The following PTGFR variants were observed in gnomAD, a reference collection of about 807,000 sequenced individuals.
The protein encoded by PTGFR is prostaglandin F receptor.
PTGFR carries 15 observed loss-of-function variants against 26.2 expected under a neutral mutation model. The ratio of observed to expected loss-of-function variants is 0.57; its 90% CI spans 0.38 to 0.88. The LOEUF (loss-of-function observed/expected upper bound fraction) is 0.88, where lower values mean the gene tolerates loss of function less well. Among genes scored for constraint, PTGFR ranks in the 40% least tolerant of loss-of-function variants. The probability of loss-of-function intolerance (pLI) is 0.00; values close to 1 mark genes in which losing one functional copy is unlikely to be tolerated. For missense variants in PTGFR, 369 were observed against 427.2 expected (o/e 0.86, Z 1.20); for synonymous variants, 165 against 151.1 (o/e 1.09, Z -0.68).
At chr1:78,521,242 T>A (rs1212116643) in intron 2 of PTGFR, among the ~76,000 whole-genome samples, 1 of 152,116 alleles carries the variant, frequency 6.6e-6, no homozygotes, top group Non-Finnish European at 1.5e-5. Flanking sequence ...TAAGAGAAAT[T>A]CTCCTTGGCA....
intron 2 of PTGFR, among the ~76,000 whole-genome samples, chr1:78,504,148 T>A (rs527322629): frequency 6.6e-6 from 1 of 152,212 alleles, no homozygotes; most frequent in East Asian, 1.9e-4. Flanking sequence ...TGTATTATAT[T>A]CCCCAAGCTA....
intron 2 of PTGFR, among the ~76,000 whole-genome samples, chr1:78,497,017 G>A (rs1649569813): frequency 6.6e-6 from 1 of 151,858 alleles, no homozygotes; most frequent in Non-Finnish European, 1.5e-5. Flanking sequence ...ATCTCTTTGT[G>A]TTGTACATTC....
intron 2 of PTGFR, among the ~76,000 whole-genome samples, chr1:78,503,463 C>T (rs919603723): frequency 2.2e-4 from 33 of 152,210 alleles, no homozygotes; most frequent in Middle Eastern, 6.8e-3. Flanking sequence ...AGTTCATTTA[C>T]GTTTTCATTT....
chr1:78,491,929 C>T (rs1649411132), intron 1 of PTGFR, among the ~76,000 whole-genome samples: 1 of 152,168 alleles, frequency 6.6e-6, no homozygotes, highest in South Asian at 2.1e-4. Flanking sequence ...AATACTTCGC[C>T]TTGAATGTTG....
intron 2 of PTGFR, among the ~76,000 whole-genome samples, chr1:78,525,420 A>C (rs1418303920): frequency 6.6e-6 from 1 of 152,044 alleles, no homozygotes; most frequent in African/African-American, 2.4e-5. Context: ...GATACAAATT[A>C]GGACCAGTCA....
chr1:78,504,117 A>G (rs1173833715), intron 2 of PTGFR, among the ~76,000 whole-genome samples: 3 of 152,134 alleles, frequency 2.0e-5, no homozygotes, highest in Non-Finnish European at 4.4e-5. Context: ...CTTCTCCTTT[A>G]TTGAGGGATA....
At chr1:78,494,232 A>G (rs924140090) in intron 2 of PTGFR, among the ~76,000 whole-genome samples, 1 of 152,252 alleles carries the variant, frequency 6.6e-6, no homozygotes, top group African/African-American at 2.4e-5. Flanking sequence ...TTAGAAACAA[A>G]CATAAATCAT....
At chr1:78,522,560 C>T (rs1650272831) in intron 2 of PTGFR, among the ~76,000 whole-genome samples, 1 of 152,194 alleles carries the variant, frequency 6.6e-6, no homozygotes, top group Non-Finnish European at 1.5e-5. Flanking sequence ...TAGAGAGGCT[C>T]TATCGAGCTT....
At chr1:78,510,655 C>A (rs576931402) in intron 2 of PTGFR, among the ~76,000 whole-genome samples, 9 of 152,264 alleles carry the variant, frequency 5.9e-5, no homozygotes, top group African/African-American at 2.2e-4. Flanking sequence ...CTGGCCCCCC[C>A]AAATCTCATA....
chr1:78,522,039 G>A (rs1570290624), intron 2 of PTGFR, among the ~76,000 whole-genome samples: 1 of 146,010 alleles, frequency 6.8e-6, no homozygotes, highest in Non-Finnish European at 1.5e-5. Flanking sequence ...GCAGTGTTGG[G>A]CTGTTACAGG....
chr1:78,535,895 G>C (rs1650637961), intron 2 of PTGFR, among the ~76,000 whole-genome samples: 1 of 152,148 alleles, frequency 6.6e-6, no homozygotes, highest in African/African-American at 2.4e-5. Context: ...TGTAGAAAGG[G>C]AAATAGAAAA....
At chr1:78,507,368 GT>G (rs775100872) in intron 2 of PTGFR, among the ~76,000 whole-genome samples, 2 of 152,154 alleles carry the variant, frequency 1.3e-5, no homozygotes, top group Non-Finnish European at 2.9e-5. Context: ...TTGGCACAGA[GT>G]TTATAGCTGT....
rs372611135 is a variant in PTGFR, at chr1:78,514,641, A to G, written c.798+21100A>G. ...TATTTTGAAATGTGAGAAGGACATA[A>G]GATTTGGGGCCTAGGGGTGGAATGA... On this transcript the variant is annotated intron_variant, in intron 2 of 2. Transcript: ENST00000370757. Among the ~76,000 whole-genome samples, 183 of 152,232 alleles carry G rather than the reference A, an allele frequency of 1.2e-3. 5 individuals carry two copies. In the South Asian group the frequency reaches 0.036, roughly 30 times the overall value.
chr1:78,540,569 T>A lies in PTGFR; in HGVS notation c.*3882T>A, dbSNP rs988435353. Among the ~76,000 whole-genome samples, 2 of 152,122 alleles carry A rather than the reference T, an allele frequency of 1.3e-5. No homozygotes were observed. Among genetic ancestry groups the A allele is most frequent in the Non-Finnish European group, 2.9e-5 (2 of 67,990 alleles). ...AGAAATTTTAGATGACTAAAAGGAC[T>A]ATATAATAGAAAGAGGGAAATCTTG... is the stretch of plus-strand genomic sequence containing the variant. On this transcript the variant is annotated 3_prime_UTR_variant, in exon 3 of 3. Coordinates refer to ENST00000370757, the MANE Select transcript of PTGFR (RefSeq NM_000959.4).
At chr1:78,535,380 G>C (rs1285795628) in intron 2 of PTGFR, among the ~76,000 whole-genome samples, 1 of 152,104 alleles carries the variant, frequency 6.6e-6, no homozygotes, top group African/African-American at 2.4e-5. Context: ...GACAATGAAG[G>C]TTTTGATAAA....
chr1:78,493,353 C>CT lies in PTGFR; in HGVS notation c.616dup (p.Ser206PhefsTer26), dbSNP rs1406984524. On this transcript the variant is annotated frameshift_variant, in exon 2 of 3. Coordinates refer to ENST00000370757, the MANE Select transcript of PTGFR (RefSeq NM_000959.4). LOFTEE classifies it high-confidence loss of function. The stretch of plus-strand genomic sequence containing the variant: ...CTGGGAAGATAGATTTTATCTTCTA[C>CT]TTTTTTCTTTTCTGGGGCTCTTAGC... 1 of 1,613,876 alleles carries CT rather than the reference C, an allele frequency of 6.2e-7. No homozygotes were observed. The highest frequency in any genetic ancestry group is 8.5e-7 in the Non-Finnish European group (1 of 1,179,972).
intron 2 of PTGFR, among the ~76,000 whole-genome samples, chr1:78,508,879 G>C (rs1649889101): frequency 6.6e-6 from 1 of 152,078 alleles, no homozygotes; most frequent in Non-Finnish European, 1.5e-5. Context: ...ACAAGATACT[G>C]ATATGAATGT....
At chr1:78,505,269 C>CCCA (rs1055015090) in intron 2 of PTGFR, among the ~76,000 whole-genome samples, 2 of 151,692 alleles carry the variant, frequency 1.3e-5, no homozygotes, top group Non-Finnish European at 2.9e-5. Context: ...ATTACAGGCA[C>CCCA]CCACCACCAC....
At chr1:78,533,881 G>T (rs1348394609) in intron 2 of PTGFR, among the ~76,000 whole-genome samples, 2 of 152,104 alleles carry the variant, frequency 1.3e-5, no homozygotes, top group Admixed American at 1.3e-4. Context: ...TGGCCCAAAT[G>T]AATGGAGATT....
Sources: gnomAD v4.1 joint callset for allele counts (sites outside exome capture counted in the v4.1 genomes callset) on GRCh38, gnomAD v4.1.1 for gene constraint, MANE v1.5 for transcripts, NCBI Gene and HGNC (gene_info 2026-07-23, HGNC 2026-07-21) for gene names.